ADAMTS6: variants seen among roughly 807,000 people sequenced by gnomAD.
The protein encoded by ADAMTS6 is ADAM metallopeptidase with thrombospondin type 1 motif 6, also known as A disintegrin and metalloproteinase with thrombospondin motifs 6.
ADAMTS6 carries 23 observed loss-of-function variants against 144.3 expected under a neutral mutation model. That is an observed-to-expected ratio of 0.16 (90% CI 0.11 to 0.23). ADAMTS6 has a LOEUF of 0.23. ADAMTS6 is among the 10% of genes least tolerant of loss of function. ADAMTS6 has a pLI of 1.00. For missense variants in ADAMTS6, 999 were observed against 1,379.6 expected (o/e 0.72, Z 4.37); for synonymous variants, 444 against 457.5 (o/e 0.97, Z 0.38).
chr5:65,154,186 C>T (rs1007602379), intron 24 of ADAMTS6, among the ~76,000 whole-genome samples: 3 of 152,128 alleles, frequency 2.0e-5, no homozygotes, highest in African/African-American at 7.2e-5. Flanking sequence ...CCAGCCTGGG[C>T]GACAGAGCTA....
intron 7 of ADAMTS6, among the ~76,000 whole-genome samples, chr5:65,374,289 T>C (rs575954327): frequency 9.3e-4 from 142 of 151,898 alleles, no homozygotes; most frequent in African/African-American, 3.3e-3. Context: ...AAATAAAGGA[T>C]ATTCAATTAG....
chr5:65,226,725 GGCAC>G (rs1161133969), intron 15 of ADAMTS6, among the ~76,000 whole-genome samples: 2 of 151,888 alleles, frequency 1.3e-5, no homozygotes, highest in Non-Finnish European at 2.9e-5. Flanking sequence ...TGGGATTACA[GGCAC>G]CTGCCACTAT....
rs796128052 is a variant in ADAMTS6 at position 65,228,588 on chromosome 5, GA to G, written c.1934-2370del. 6.7e-4 allele frequency among the ~76,000 whole-genome samples: 98 copies of G among 146,814 alleles called. 1 individual carries two copies. The highest frequency in any genetic ancestry group is 5.2e-3 in the East Asian group (26 of 5,024). On this transcript the variant is annotated intron_variant, in intron 15 of 24. Coordinates refer to ENST00000381055, the MANE Select transcript of ADAMTS6 (RefSeq NM_197941.4). ...AGAAAAGTTCCAGCATGCCATTGGA[GA>G]AAAAAAAAAATTCCCCAAACAGACA...
Position 65,224,530 on chromosome 5 carries a change from T to C in ADAMTS6, c.2192-130A>G, listed in dbSNP as rs116163370. On this transcript the variant is annotated intron_variant, in intron 17 of 24. Coordinates refer to ENST00000381055, the MANE Select transcript of ADAMTS6 (RefSeq NM_197941.4). ...ACTTTGCATTTTATGAATTATGAAA[T>C]ATGGGCAAATTACCCTTTGGGTTCA... The C allele has an allele frequency of 2.5e-3, 1,881 of 764,850 alleles. 25 individuals carry two copies. The African/African-American group carries it at 0.029, about 12-fold the overall frequency. The allele number at this position is 764,850 out of a possible 1,614,324, so 47.4% of individuals were successfully genotyped here.
At chr5:65,348,165 A>G (rs1748521663) in intron 7 of ADAMTS6, among the ~76,000 whole-genome samples, 1 of 152,108 alleles carries the variant, frequency 6.6e-6, no homozygotes, top group Admixed American at 6.6e-5. Flanking sequence ...CCCATTTATG[A>G]GTACATATCC....
intron 20 of ADAMTS6, among the ~76,000 whole-genome samples, chr5:65,202,722 T>C (rs1444665918): frequency 6.6e-6 from 1 of 152,222 alleles, no homozygotes; most frequent in Non-Finnish European, 1.5e-5. Flanking sequence ...CATAGCCAAA[T>C]TTCATAGCCA....
chr5:65,311,904 TTC>T (rs1744530665), intron 9 of ADAMTS6, among the ~76,000 whole-genome samples: 1 of 152,094 alleles, frequency 6.6e-6, no homozygotes, highest in Non-Finnish European at 1.5e-5. Flanking sequence ...CGTTAAATTT[TTC>T]TGTCTAAGCA....
intron 23 of ADAMTS6, among the ~76,000 whole-genome samples, chr5:65,172,386 C>T (rs956646103): frequency 4.6e-5 from 7 of 151,102 alleles, no homozygotes; most frequent in Non-Finnish European, 7.4e-5. Context: ...TGCACTCCAG[C>T]CTGAGCGACA....
At chr5:65,475,040 T>C (rs1430703959) in intron 1 of ADAMTS6, among the ~76,000 whole-genome samples, 1 of 152,046 alleles carries the variant, frequency 6.6e-6, no homozygotes, top group Admixed American at 6.6e-5. Context: ...CAAAAGAGAT[T>C]AGAAAGATTT....
intron 9 of ADAMTS6, among the ~76,000 whole-genome samples, chr5:65,323,970 T>G (rs902605021): frequency 6.6e-6 from 1 of 152,156 alleles, no homozygotes; most frequent in Non-Finnish European, 1.5e-5. Context: ...GGGTTGTTTG[T>G]TTTTTTCTTG....
intron 22 of ADAMTS6, among the ~76,000 whole-genome samples, chr5:65,178,656 C>G (rs1249351381): frequency 6.6e-6 from 1 of 152,176 alleles, no homozygotes; most frequent in Non-Finnish European, 1.5e-5. Context: ...GGCCCCATGT[C>G]TAAGGGCCCT....
At chr5:65,392,046 A>AT (rs765017633) in intron 7 of ADAMTS6, among the ~76,000 whole-genome samples, 85 of 152,196 alleles carry the variant, frequency 5.6e-4, no homozygotes, top group Admixed American at 2.2e-3. Flanking sequence ...TGACATTAAC[A>AT]TTTTTTAAAG....
rs776201146 is a variant in ADAMTS6, at chr5:65,260,621, C to A, written c.1809G>T (p.Arg603=). 12 of 1,613,500 alleles carry A rather than the reference C, an allele frequency of 7.4e-6. No homozygotes were observed. Among genetic ancestry groups the A allele is most frequent in the Non-Finnish European group, 1.0e-5 (12 of 1,179,726 alleles). The change falls in exon 14 of 25, where the codon CGG becomes CGT. Residue 603 remains arginine, a synonymous_variant. Transcript: ENST00000381055. ...GGKYCLGERK[R]YRSCNTDPCP... is the part of the protein sequence containing the mutation. ...TTACATCTGTGTTACAGGAGCGATACCGTTTCCTTTCCCCAAGGCAATATT... is the reference window on the plus strand; with the variant it reads ...TTACATCTGTGTTACAGGAGCGATAACGTTTCCTTTCCCCAAGGCAATATT...
At chr5:65,462,261 G>A (rs1476218756) in intron 3 of ADAMTS6, among the ~76,000 whole-genome samples, 2 of 152,162 alleles carry the variant, frequency 1.3e-5, no homozygotes, top group African/African-American at 2.4e-5. Flanking sequence ...GGGATATGTA[G>A]GAAGCAAGGT....
At chr5:65,158,568 T>C (rs1464695091) in intron 24 of ADAMTS6, among the ~76,000 whole-genome samples, 1 of 128,274 alleles carries the variant, frequency 7.8e-6, no homozygotes, top group Non-Finnish European at 1.7e-5. Flanking sequence ...GCATTTTGGA[T>C]AGAATTTCAG....
intron 15 of ADAMTS6, among the ~76,000 whole-genome samples, chr5:65,230,814 A>G (rs1257901049): frequency 1.4e-5 from 1 of 72,572 alleles, no homozygotes. Context: ...AAATATATAT[A>G]TAATACATAT....
intron 4 of ADAMTS6, among the ~76,000 whole-genome samples, chr5:65,458,898 T>C (rs1759430751): frequency 6.6e-6 from 1 of 152,194 alleles, no homozygotes; most frequent in South Asian, 2.1e-4. Flanking sequence ...TAGCTACAAT[T>C]TGATTGGGTA....
At chr5:65,298,954 A>G (rs918889000) in intron 10 of ADAMTS6, among the ~76,000 whole-genome samples, 15 of 152,072 alleles carry the variant, frequency 9.9e-5, no homozygotes, top group African/African-American at 3.6e-4. Flanking sequence ...AATTTTTAAA[A>G]TTTTACAATA....
intron 22 of ADAMTS6, among the ~76,000 whole-genome samples, chr5:65,182,462 A>G (rs1754423321): frequency 6.6e-6 from 1 of 151,684 alleles, no homozygotes; most frequent in Non-Finnish European, 1.5e-5. Flanking sequence ...AAAAAAAAAA[A>G]AAGAAGGATG....
Sources: gnomAD v4.1 joint callset for allele counts (sites outside exome capture counted in the v4.1 genomes callset) on GRCh38, gnomAD v4.1.1 for gene constraint, MANE v1.5 for transcripts, NCBI Gene and HGNC (gene_info 2026-07-23, HGNC 2026-07-21) for gene names.